KLF12: variants seen among roughly 807,000 people sequenced by gnomAD.
KLF12 encodes KLF transcription factor 12.
Under a neutral mutation model 37.8 loss-of-function variants are expected in KLF12, and 9 were observed. The observed-to-expected ratio is 0.24, with a 90% CI of 0.14 to 0.42. KLF12 has a LOEUF of 0.42. KLF12 is among the 10% of genes least tolerant of loss of function. The pLI, the probability that KLF12 is intolerant of heterozygous loss-of-function variation, is 1.00. For missense variants in KLF12, 411 were observed against 516.0 expected, an observed-to-expected ratio of 0.80 and a Z score of 1.97; for synonymous variants, 208 against 202.1, an observed-to-expected ratio of 1.03 and a Z score of -0.25.
At chr13:74,300,584 G>A in the KLF12 span, among the ~76,000 whole-genome samples, 1 of 152,212 alleles carries the variant, frequency 6.6e-6, no homozygotes, top group African/African-American at 2.4e-5. Context: ...CCTTGCCACT[G>A]CTTCCTAAAT....
chr13:74,003,111 A>C (rs1892323066), intron 1 of KLF12, among the ~76,000 whole-genome samples: 1 of 152,210 alleles, frequency 6.6e-6, no homozygotes, highest in African/African-American at 2.4e-5. Context: ...TAAGTGATTA[A>C]AGTTAACATT....
chr13:74,153,768 G>T, the KLF12 span, among the ~76,000 whole-genome samples: 1 of 152,118 alleles, frequency 6.6e-6, no homozygotes, highest in Admixed American at 6.5e-5. Flanking sequence ...TCTGGTCTAG[G>T]ATCTGCTGAA....
At chr13:74,116,618 C>T (rs980809990) in intron 1 of KLF12, among the ~76,000 whole-genome samples, 4 of 152,130 alleles carry the variant, frequency 2.6e-5, no homozygotes, top group African/African-American at 9.7e-5. Context: ...CATAGCAGAA[C>T]TTTTCAGAAA....
chr13:73,739,238 TAA>T (rs1877768980), intron 6 of KLF12, among the ~76,000 whole-genome samples: 1 of 2,938 alleles, frequency 3.4e-4, no homozygotes, highest in African/African-American at 4.4e-4. Context: ...TGTCTCAAAT[TAA>T]TAATAATAAT....
At chr13:74,214,839 A>G in the KLF12 span, among the ~76,000 whole-genome samples, 141 of 152,064 alleles carry the variant, frequency 9.3e-4, no homozygotes, top group Non-Finnish European at 1.5e-3. Context: ...CTGCCACCCA[A>G]GTTGGAGTGC....
intron 3 of KLF12, among the ~76,000 whole-genome samples, chr13:73,869,899 T>C (rs1223687688): frequency 2.0e-5 from 3 of 152,206 alleles, no homozygotes; most frequent in Non-Finnish European, 4.4e-5. Flanking sequence ...AACTTGTCCT[T>C]GTAGTTCAAA....
chr13:74,073,029 T>G (rs1004502338), intron 1 of KLF12, among the ~76,000 whole-genome samples: 2 of 152,120 alleles, frequency 1.3e-5, no homozygotes, highest in African/African-American at 4.8e-5. Context: ...CTCATGAGAT[T>G]TAATGGTTTT....
the KLF12 span, among the ~76,000 whole-genome samples, chr13:74,275,092 G>A: frequency 1.4e-4 from 22 of 152,306 alleles, no homozygotes; most frequent in South Asian, 1.7e-3. Flanking sequence ...GACATGGAGA[G>A]AGCCATGTGA....
At chr13:73,890,411 C>T (rs749587935) in intron 3 of KLF12, among the ~76,000 whole-genome samples, 3 of 151,976 alleles carry the variant, frequency 2.0e-5, no homozygotes, top group Non-Finnish European at 4.4e-5. Context: ...GATTATCCCA[C>T]GAAAGAAATA....
Position 73,944,062 on chromosome 13 carries a change from GT to G in KLF12, c.41del (p.Asn14ThrfsTer8). 1 of 1,602,946 alleles carries G rather than the reference GT, an allele frequency of 6.2e-7. No individual in the cohort carries two copies. Among genetic ancestry groups the G allele is most frequent in the African/African-American group, 1.3e-5 (1 of 74,818 alleles). On this transcript the variant is annotated frameshift_variant, in exon 3 of 8. Coordinates refer to ENST00000377669, the MANE Select transcript of KLF12 (RefSeq NM_007249.5). LOFTEE classifies it high-confidence loss of function. ...GCATTAACATTCTGTTCTCAAAGGT[GT>G]TGATATTCTGAGAATAGAAGGGAGA...
the KLF12 span, among the ~76,000 whole-genome samples, chr13:74,267,427 A>T: frequency 2.0e-5 from 3 of 152,366 alleles, no homozygotes; most frequent in Admixed American, 2.0e-4. Flanking sequence ...CCTGTCGTTC[A>T]TGGCAACATG....
chr13:74,121,252 T>C (rs1877618360), intron 1 of KLF12, among the ~76,000 whole-genome samples: 1 of 151,984 alleles, frequency 6.6e-6, no homozygotes, highest in South Asian at 2.1e-4. Context: ...AAAAAATCAG[T>C]AACAATATAG....
chr13:74,233,172 C>T, the KLF12 span, among the ~76,000 whole-genome samples: 3 of 152,276 alleles, frequency 2.0e-5, no homozygotes, highest in Non-Finnish European at 2.9e-5. Flanking sequence ...CGTGAGCCAC[C>T]GCGCCTGGCC....
the KLF12 span, among the ~76,000 whole-genome samples, chr13:74,174,407 A>G: frequency 2.8e-5 from 4 of 141,822 alleles, no homozygotes; most frequent in Non-Finnish European, 4.5e-5. Context: ...AACTCGGGCT[A>G]ATTTTTGTAT....
chr13:74,276,732 G>C, the KLF12 span, among the ~76,000 whole-genome samples: 1 of 152,098 alleles, frequency 6.6e-6, no homozygotes, highest in Non-Finnish European at 1.5e-5. Flanking sequence ...CAGTTTGTTT[G>C]ACTCAGCCAA....
the KLF12 span, among the ~76,000 whole-genome samples, chr13:74,235,671 A>T: frequency 3.3e-5 from 5 of 152,204 alleles, no homozygotes; most frequent in African/African-American, 1.2e-4. Context: ...ATAATTATCA[A>T]AAGCTATACT....
chr13:73,921,298 T>A (rs1286070207), intron 3 of KLF12, among the ~76,000 whole-genome samples: 2 of 152,184 alleles, frequency 1.3e-5, no homozygotes, highest in Non-Finnish European at 2.9e-5. Context: ...GTCAGATTCT[T>A]TCATGTACTC....
intron 5 of KLF12, among the ~76,000 whole-genome samples, chr13:73,794,173 G>C (rs1418213945): frequency 6.6e-6 from 1 of 152,194 alleles, no homozygotes; most frequent in Non-Finnish European, 1.5e-5. Flanking sequence ...TTTTAAAAAG[G>C]TGACAGGCCG....
At chr13:73,844,298 T>C (rs1402350343) in intron 4 of KLF12, among the ~76,000 whole-genome samples, 1 of 152,192 alleles carries the variant, frequency 6.6e-6, no homozygotes, top group Non-Finnish European at 1.5e-5. Context: ...GCAGTTATGT[T>C]GTTATTATTC....
Sources: gnomAD v4.1 joint callset for allele counts (sites outside exome capture counted in the v4.1 genomes callset) on GRCh38, gnomAD v4.1.1 for gene constraint, MANE v1.5 for transcripts, NCBI Gene and HGNC (gene_info 2026-07-23, HGNC 2026-07-21) for gene names.